Variants in GRM8 observed in about 807,000 individuals in gnomAD.
The protein encoded by GRM8 is glutamate metabotropic receptor 8, also known as metabotropic glutamate receptor 8.
GRM8 carries 47 observed loss-of-function variants against 87.2 expected under a neutral mutation model. The ratio of observed to expected loss-of-function variants is 0.54; its 90% CI spans 0.43 to 0.69. The LOEUF (loss-of-function observed/expected upper bound fraction) is 0.69, where lower values mean the gene tolerates loss of function less well. GRM8 is among the 30% of genes least tolerant of loss of function. The pLI is 0.00. For missense variants in GRM8, 1,019 were observed against 1,139.2 expected (o/e 0.89, Z 1.52); for synonymous variants, 396 against 404.5 (o/e 0.98, Z 0.25).
At chr7:126,454,948 G>A (rs1803057824) in intron 9 of GRM8, among the ~76,000 whole-genome samples, 1 of 151,662 alleles carries the variant, frequency 6.6e-6, no homozygotes, top group South Asian at 2.1e-4. Flanking sequence ...TAACAGGAAT[G>A]GGGAGTTGAT....
chr7:126,804,475 T>C (rs766926219), intron 6 of GRM8, among the ~76,000 whole-genome samples: 2 of 152,212 alleles, frequency 1.3e-5, no homozygotes, highest in East Asian at 1.9e-4. Flanking sequence ...CATTAACCTA[T>C]TGACCGCAGA....
chr7:126,912,348 T>A (rs1803402351), intron 3 of GRM8, among the ~76,000 whole-genome samples: 1 of 152,196 alleles, frequency 6.6e-6, no homozygotes, highest in Admixed American at 6.5e-5. Context: ...CAAGGTTGAA[T>A]GAACTCAGCC....
rs141721911 is a variant in GRM8 at position 126,990,136 on chromosome 7, C to A, written c.728-85453G>T. On this transcript the variant is annotated intron_variant, in intron 3 of 10. Coordinates refer to ENST00000339582, the MANE Select transcript of GRM8 (RefSeq NM_000845.3). ...TAAGAGAATCAGCATTATTTAATATCCATTGCCTCAGACACTGTTGTTTGG... is the reference window on the plus strand; with the variant it reads ...TAAGAGAATCAGCATTATTTAATATACATTGCCTCAGACACTGTTGTTTGG... 6.4e-4 allele frequency among the ~76,000 whole-genome samples: 98 copies of A among 152,250 alleles called. 1 individual carries two copies. In the East Asian group the frequency reaches 0.016, roughly 25 times the overall value.
chr7:127,147,827 T>C (rs1357630935), intron 2 of GRM8, among the ~76,000 whole-genome samples: 2 of 152,104 alleles, frequency 1.3e-5, no homozygotes, highest in East Asian at 3.9e-4. Flanking sequence ...GTAAAATTAT[T>C]GATGCCTCAA....
rs948891402 is a variant in GRM8, at chr7:126,807,274, C to CA, written c.1157-37210dup. On this transcript the variant is annotated intron_variant, in intron 6 of 10. Coordinates refer to ENST00000339582, the MANE Select transcript of GRM8 (RefSeq NM_000845.3). ...TAGCTCTCTAAATGGCACAAGTTCA[C>CA]AAAAAAAAATATTGAGACCAAAGGC... 6.5e-4 allele frequency among the ~76,000 whole-genome samples: 96 copies of CA among 147,862 alleles called. 2 individuals carry two copies. Among genetic ancestry groups the CA allele is most frequent in the South Asian group, 6.4e-4 (3 of 4,660 alleles).
Position 127,044,181 on chromosome 7 carries a change from G to C in GRM8, c.727+62315C>G, listed in dbSNP as rs146661628. Among the ~76,000 whole-genome samples the C allele has an allele frequency of 4.9e-4, 75 of 152,274 alleles. 2 individuals carry two copies. In the East Asian group the frequency reaches 0.014, roughly 28 times the overall value. On this transcript the variant is annotated intron_variant, in intron 3 of 10. Coordinates refer to ENST00000339582, the MANE Select transcript of GRM8 (RefSeq NM_000845.3). ...ACAGCAGCTGCACAGGAGGGTATCT[G>C]AGAGGAAGCTACTGTTCCCAGAATA...
intron 2 of GRM8, among the ~76,000 whole-genome samples, chr7:127,216,517 C>CAAAAAAAAAAAAAAAAA (rs58730624): frequency 6.4e-5 from 4 of 62,980 alleles, no homozygotes; most frequent in Non-Finnish European, 1.0e-4. Flanking sequence ...GACTCCGTCT[C>CAAAAAAAAAAAAAAAAA]AAAAAAAAAA....
chr7:126,514,377 G>C (rs1283317118), intron 9 of GRM8, among the ~76,000 whole-genome samples: 1 of 152,104 alleles, frequency 6.6e-6, no homozygotes, highest in Admixed American at 6.6e-5. Flanking sequence ...TTTGGACTTT[G>C]GAGACATTAG....
intron 8 of GRM8, among the ~76,000 whole-genome samples, chr7:126,538,496 G>T (rs1490211025): frequency 1.3e-5 from 2 of 151,750 alleles, no homozygotes; most frequent in Non-Finnish European, 2.9e-5. Flanking sequence ...ATATCAAGTG[G>T]TATTTTTTTA....
chr7:127,251,257 C>A (rs927314389), intron 1 of GRM8: 1 of 152,182 alleles, frequency 6.6e-6, no homozygotes, highest in African/African-American at 2.4e-5. Context: ...CGCGGGGGTG[C>A]GGTTTTGCGC....
intron 3 of GRM8, among the ~76,000 whole-genome samples, chr7:126,917,420 C>T (rs537153719): frequency 3.3e-5 from 5 of 151,946 alleles, no homozygotes; most frequent in East Asian, 1.9e-4. Flanking sequence ...CACACACACA[C>T]GATTCTATTA....
intron 2 of GRM8, among the ~76,000 whole-genome samples, chr7:127,163,915 G>A (rs1442782503): frequency 6.6e-6 from 1 of 152,124 alleles, no homozygotes; most frequent in African/African-American, 2.4e-5. Flanking sequence ...GAGGAGGAAT[G>A]AGCAGAGAAT....
In GRM8 at chr7:127,176,716, C is replaced by G. The variant is rs1371732322; in HGVS notation, c.510+65979G>C. ...CTCACAGGGCTCCATGCAGACAACCCCCAGTACCAGTCCAGACCCTCAATG... is the reference window on the plus strand; with the variant it reads ...CTCACAGGGCTCCATGCAGACAACCGCCAGTACCAGTCCAGACCCTCAATG... On this transcript the variant is annotated intron_variant, in intron 2 of 10. Coordinates refer to ENST00000339582, the MANE Select transcript of GRM8 (RefSeq NM_000845.3). Among the ~76,000 whole-genome samples the G allele has an allele frequency of 2.0e-5, 3 of 152,242 alleles. No homozygotes were observed. The East Asian group carries it at 5.8e-4, about 29-fold the overall frequency.
chr7:126,449,488 C>T (rs1426658374), intron 9 of GRM8, among the ~76,000 whole-genome samples: 6 of 151,814 alleles, frequency 4.0e-5, no homozygotes, highest in Admixed American at 3.9e-4. Context: ...AACAAAGTAT[C>T]CTCCCAGGAG....
intron 7 of GRM8, among the ~76,000 whole-genome samples, chr7:126,741,164 G>C (rs1814931027): frequency 6.6e-6 from 1 of 151,954 alleles, no homozygotes; most frequent in South Asian, 2.1e-4. Flanking sequence ...CCACCAAAAA[G>C]CTTTTAGAAA....
chr7:126,901,162 T>C (rs1802039479), intron 6 of GRM8, among the ~76,000 whole-genome samples: 1 of 152,184 alleles, frequency 6.6e-6, no homozygotes, highest in Admixed American at 6.5e-5. Flanking sequence ...TCCTTTACTT[T>C]GAACAAAAGA....
At chr7:126,530,745 T>C (rs1175828979) in intron 9 of GRM8, among the ~76,000 whole-genome samples, 2 of 152,244 alleles carry the variant, frequency 1.3e-5, no homozygotes, top group Non-Finnish European at 2.9e-5. Flanking sequence ...ACAAGTTTTG[T>C]TCATTTTTAA....
At chr7:126,756,053 A>G (rs1816971654) in intron 7 of GRM8, among the ~76,000 whole-genome samples, 1 of 151,966 alleles carries the variant, frequency 6.6e-6, no homozygotes, top group Admixed American at 6.6e-5. Context: ...ACAATGATAC[A>G]TACACACACA....
intron 2 of GRM8, among the ~76,000 whole-genome samples, chr7:127,163,067 G>A (rs1292602250): frequency 6.6e-6 from 1 of 152,146 alleles, no homozygotes; most frequent in African/African-American, 2.4e-5. Context: ...AGAAGAAGGT[G>A]TGTAACAGAG....
Sources: gnomAD v4.1 joint callset for allele counts (sites outside exome capture counted in the v4.1 genomes callset) on GRCh38, gnomAD v4.1.1 for gene constraint, MANE v1.5 for transcripts, NCBI Gene and HGNC (gene_info 2026-07-23, HGNC 2026-07-21) for gene names.